The following GRID1 variants were observed in gnomAD, a reference collection of about 807,000 sequenced individuals.
GRID1 encodes glutamate receptor ionotropic, delta-1.
A neutral mutation model predicts 98.0 loss-of-function variants in GRID1; 28 were observed. The ratio of observed to expected loss-of-function variants is 0.29; its 90% confidence interval spans 0.21 to 0.39. The LOEUF (loss-of-function observed/expected upper bound fraction) is 0.39, where lower values mean the gene tolerates loss of function less well. Ranked by LOEUF, GRID1 falls within the 10% of genes least tolerant of loss-of-function variation. The probability of loss-of-function intolerance (pLI) is 1.00; values close to 1 mark genes in which losing one functional copy is unlikely to be tolerated. For synonymous variants in GRID1, 553 were observed against 538.5 expected (o/e 1.03, Z -0.37); for missense variants, 1,111 against 1,340.5 (o/e 0.83, Z 2.67).
chr10:85,662,492 G>A (rs566833207), intron 12 of GRID1, among the ~76,000 whole-genome samples: 6 of 152,258 alleles, frequency 3.9e-5, no homozygotes, highest in Admixed American at 2.6e-4. Context: ...CATCTCAGCC[G>A]AACCCTGCCT....
At chr10:85,639,367 T>C (rs1244848436) in intron 13 of GRID1, among the ~76,000 whole-genome samples, 2 of 152,180 alleles carry the variant, frequency 1.3e-5, no homozygotes, top group Non-Finnish European at 2.9e-5. Context: ...CAAGAGCAGG[T>C]AAATTTAATG....
intron 4 of GRID1, among the ~76,000 whole-genome samples, chr10:86,039,934 G>T (rs117750354): frequency 1.3e-5 from 2 of 152,278 alleles, no homozygotes; most frequent in Non-Finnish European, 2.9e-5. Flanking sequence ...CTAGCACATG[G>T]AGTGGTAATT....
intron 8 of GRID1, among the ~76,000 whole-genome samples, chr10:85,742,133 CCAG>C (rs2132674134): frequency 6.6e-6 from 1 of 152,324 alleles, no homozygotes; most frequent in African/African-American, 2.4e-5. Context: ...ATTTTGCTCA[CCAG>C]CATCCACTAA....
intron 8 of GRID1, among the ~76,000 whole-genome samples, chr10:85,748,517 T>C (rs1410033398): frequency 6.6e-6 from 1 of 152,194 alleles, no homozygotes; most frequent in Non-Finnish European, 1.5e-5. Flanking sequence ...TTATTATCTT[T>C]GGCAGAATGA....
chr10:86,055,758 A>G (rs202219243), intron 4 of GRID1, among the ~76,000 whole-genome samples: 1 of 151,488 alleles, frequency 6.6e-6, no homozygotes, highest in African/African-American at 2.4e-5. Context: ...CAACAAGAAG[A>G]AGAAGGAGAA....
At chr10:85,864,437 G>A (rs183459879) in intron 6 of GRID1, among the ~76,000 whole-genome samples, 2 of 152,360 alleles carry the variant, frequency 1.3e-5, no homozygotes, top group Admixed American at 1.3e-4. Flanking sequence ...GGCTCCAAAT[G>A]CACACATGGC....
chr10:86,346,825 A>C (rs1000429277), intron 2 of GRID1, among the ~76,000 whole-genome samples: 1 of 152,142 alleles, frequency 6.6e-6, no homozygotes, highest in African/African-American at 2.4e-5. Flanking sequence ...TTCCCCACAA[A>C]TGTGCCTATT....
intron 2 of GRID1, among the ~76,000 whole-genome samples, chr10:86,356,343 G>A (rs1848533382): frequency 6.6e-6 from 1 of 152,234 alleles, no homozygotes; most frequent in Non-Finnish European, 1.5e-5. Context: ...AAGGAAATAG[G>A]AGGGCTGTTT....
chr10:86,173,847 T>C (rs1220426454), intron 3 of GRID1, among the ~76,000 whole-genome samples: 3 of 151,712 alleles, frequency 2.0e-5, no homozygotes, highest in East Asian at 1.9e-4. Flanking sequence ...GTTCTTGTGA[T>C]AGTTTACTGA....
chr10:86,336,480 G>A (rs542056735), intron 2 of GRID1, among the ~76,000 whole-genome samples: 1 of 152,184 alleles, frequency 6.6e-6, no homozygotes, highest in Admixed American at 6.5e-5. Flanking sequence ...CAAGCAGGCA[G>A]CTGAAGAAGA....
At chr10:85,780,439 T>C (rs1842371658) in intron 8 of GRID1, among the ~76,000 whole-genome samples, 1 of 152,198 alleles carries the variant, frequency 6.6e-6, no homozygotes, top group African/African-American at 2.4e-5. Flanking sequence ...CTGTTTCTCA[T>C]CCTGCACCAC....
intron 3 of GRID1, among the ~76,000 whole-genome samples, chr10:86,156,994 CA>C (rs1845254576): frequency 2.0e-5 from 3 of 152,040 alleles, no homozygotes; most frequent in Admixed American, 1.3e-4. Context: ...AAGAGGCACT[CA>C]GGGGAAGAGT....
rs181080833 is a variant in GRID1, at chr10:86,269,485, G to A, written c.236-62837C>T. ...TCTGAGAGACACCATTTCTGGCTCT[G>A]CACACTGGCTGACATTGACCCCTGC... On this transcript the variant is annotated intron_variant, in intron 2 of 15. Transcript: ENST00000327946. 3.1e-3 allele frequency among the ~76,000 whole-genome samples: 477 copies of A among 152,324 alleles called. 1 individual carries two copies. The highest frequency in any genetic ancestry group is 0.011 in the African/African-American group (458 of 41,560).
intron 4 of GRID1, among the ~76,000 whole-genome samples, chr10:86,026,339 T>C (rs1481969313): frequency 6.6e-6 from 1 of 152,218 alleles, no homozygotes; most frequent in Admixed American, 6.5e-5. Flanking sequence ...AAGTGCACAG[T>C]GATCCTTTAA....
At chr10:85,641,715 G>A (rs1843120886) in intron 13 of GRID1, among the ~76,000 whole-genome samples, 1 of 152,218 alleles carries the variant, frequency 6.6e-6, no homozygotes, top group Non-Finnish European at 1.5e-5. Flanking sequence ...AAATGATCTG[G>A]CCCAGTGCCT....
At chr10:85,774,713 A>G (rs1027780748) in intron 8 of GRID1, among the ~76,000 whole-genome samples, 12 of 151,286 alleles carry the variant, frequency 7.9e-5, no homozygotes, top group African/African-American at 2.9e-4. Context: ...CAGCCAAAAA[A>G]CACATGAAAA....
At chr10:85,856,803 G>C (rs1779945803) in intron 6 of GRID1, among the ~76,000 whole-genome samples, 1 of 152,166 alleles carries the variant, frequency 6.6e-6, no homozygotes, top group Admixed American at 6.5e-5. Flanking sequence ...TGCTCTATTG[G>C]CCACCGCTGG....
chr10:86,150,212 C>T (rs13377039), intron 3 of GRID1, among the ~76,000 whole-genome samples: 3,933 of 152,330 alleles, frequency 0.026, 178 homozygotes, highest in African/African-American at 0.089. Context: ...AGCAAGACCC[C>T]AGCTGAAGTC....
intron 15 of GRID1, among the ~76,000 whole-genome samples, chr10:85,605,240 C>T (rs750310493): frequency 9.9e-5 from 15 of 152,196 alleles, no homozygotes; most frequent in Admixed American, 5.2e-4. Context: ...GTGCTACAAT[C>T]GTTTTGGCGA....
Sources: gnomAD v4.1 joint callset for allele counts (sites outside exome capture counted in the v4.1 genomes callset) on GRCh38, gnomAD v4.1.1 for gene constraint, MANE v1.5 for transcripts, NCBI Gene and HGNC (gene_info 2026-07-23, HGNC 2026-07-21) for gene names.